The following SPAG16 variants were observed in gnomAD, a reference collection of about 807,000 sequenced individuals.
SPAG16 encodes the protein sperm-associated antigen 16 protein.
A neutral mutation model predicts 80.4 loss-of-function variants in SPAG16; 86 were observed. The ratio of observed to expected loss-of-function variants is 1.07; its 90% CI spans 0.90 to 1.28. SPAG16 has a LOEUF of 1.28. SPAG16 is among the 50% of genes most tolerant of loss of function. SPAG16 has a pLI of 0.00. For synonymous variants in SPAG16, 294 were observed against 265.9 expected, an observed-to-expected ratio of 1.11 and a Z score of -1.03; for missense variants, 870 against 765.3, an observed-to-expected ratio of 1.14 and a Z score of -1.61.
intron 12 of SPAG16, among the ~76,000 whole-genome samples, chr2:213,938,065 A>G (rs1157853536): frequency 6.6e-6 from 1 of 151,944 alleles, no homozygotes; most frequent in Non-Finnish European, 1.5e-5. Context: ...AATAATTAGA[A>G]TGAGTATAAA....
chr2:213,842,522 A>T lies in SPAG16; in HGVS notation c.1071-19963A>T, dbSNP rs548866373. On this transcript the variant is annotated intron_variant, in intron 10 of 15. Transcript: ENST00000331683. The stretch of plus-strand genomic sequence containing the variant: ...GTTTACTAAGAAGTGAATTTTTTTA[A>T]AAAAATAGGAAATGATTATATTAGA... Among the ~76,000 whole-genome samples the T allele has an allele frequency of 2.0e-5, 3 of 152,160 alleles. No homozygotes were observed. In the South Asian group the frequency reaches 6.2e-4, roughly 32 times the overall value.
chr2:213,711,032 G>C (rs913519114), intron 10 of SPAG16, among the ~76,000 whole-genome samples: 1 of 152,050 alleles, frequency 6.6e-6, no homozygotes, highest in African/African-American at 2.4e-5. Flanking sequence ...AAAAGTTTTA[G>C]TGCATTTGTA....
intron 7 of SPAG16, among the ~76,000 whole-genome samples, chr2:213,362,947 T>A (rs527244795): frequency 1.6e-4 from 25 of 152,076 alleles, no homozygotes; most frequent in Non-Finnish European, 3.1e-4. Flanking sequence ...AACAAGAGAT[T>A]TGGAGAGGAC....
chr2:214,267,342 T>A (rs1348889074), intron 15 of SPAG16, among the ~76,000 whole-genome samples: 2 of 151,712 alleles, frequency 1.3e-5, no homozygotes, highest in African/African-American at 4.8e-5. Flanking sequence ...AATAAACCCA[T>A]ACATTTATGG....
At chr2:214,268,071 A>C (rs934822558) in intron 15 of SPAG16, among the ~76,000 whole-genome samples, 4 of 151,654 alleles carry the variant, frequency 2.6e-5, no homozygotes, top group African/African-American at 9.7e-5. Flanking sequence ...ATACATGAGA[A>C]AATGCTCAAC....
intron 13 of SPAG16, among the ~76,000 whole-genome samples, chr2:214,107,464 A>G (rs913364376): frequency 2.6e-5 from 4 of 152,162 alleles, no homozygotes; most frequent in African/African-American, 7.2e-5. Flanking sequence ...ACAAGAGTCA[A>G]GAATGCCCGT....
intron 10 of SPAG16, among the ~76,000 whole-genome samples, chr2:213,730,002 G>T (rs1014624563): frequency 6.6e-5 from 10 of 152,204 alleles, no homozygotes; most frequent in Admixed American, 6.5e-4. Flanking sequence ...CTCCAAATTA[G>T]AGAGAGGACC....
At chr2:213,584,967 T>A (rs2060417352) in intron 10 of SPAG16, among the ~76,000 whole-genome samples, 1 of 152,054 alleles carries the variant, frequency 6.6e-6, no homozygotes, top group African/African-American at 2.4e-5. Flanking sequence ...GGTGGGTAGA[T>A]CACCTGAGGT....
At position 213,862,390 on chromosome 2, in the gene SPAG16, C is replaced by G. The variant is rs576815048; in HGVS notation, c.1071-95C>G. 1.5e-5 allele frequency: 23 copies of G among 1,495,600 alleles called. No homozygotes were observed. In the East Asian group the frequency reaches 4.6e-4, roughly 30 times the overall value. 92.6% of individuals were successfully genotyped at this position (1,495,600 alleles called of 1,614,324 possible). On this transcript the variant is annotated intron_variant, in intron 10 of 15. Coordinates refer to ENST00000331683, the MANE Select transcript of SPAG16 (RefSeq NM_024532.5). ...GTACTCTCAAAACTATCCTGCCTTG[C>G]TAAAATCGGATAATCACTGCCATTT...
intron 9 of SPAG16, among the ~76,000 whole-genome samples, chr2:213,445,743 A>G (rs2071265906): frequency 6.6e-6 from 1 of 152,176 alleles, no homozygotes; most frequent in Non-Finnish European, 1.5e-5. Context: ...CTAAACTACA[A>G]TAAGATACCA....
chr2:213,676,418 T>C (rs1329359882), intron 10 of SPAG16, among the ~76,000 whole-genome samples: 4 of 149,218 alleles, frequency 2.7e-5, no homozygotes, highest in Admixed American at 2.0e-4. Context: ...TCCAACACTA[T>C]GTTGAATAGG....
intron 14 of SPAG16, among the ~76,000 whole-genome samples, chr2:214,110,383 G>A (rs953744552): frequency 8.6e-5 from 13 of 151,746 alleles, no homozygotes; most frequent in East Asian, 5.8e-4. Flanking sequence ...GAGAACATGC[G>A]GTGTTTGGTT....
chr2:214,347,480 C>T (rs1486441547), intron 15 of SPAG16, among the ~76,000 whole-genome samples: 1 of 151,868 alleles, frequency 6.6e-6, no homozygotes, highest in Non-Finnish European at 1.5e-5. Context: ...AAAATATTAC[C>T]CTGGGGAATC....
chr2:213,600,031 C>G (rs1337483810), intron 10 of SPAG16, among the ~76,000 whole-genome samples: 1 of 152,188 alleles, frequency 6.6e-6, no homozygotes, highest in Non-Finnish European at 1.5e-5. Flanking sequence ...TGCAGATTTT[C>G]TGCTGTGTAG....
At chr2:213,414,502 A>G (rs1298006912) in intron 9 of SPAG16, among the ~76,000 whole-genome samples, 1 of 152,120 alleles carries the variant, frequency 6.6e-6, no homozygotes, top group Non-Finnish European at 1.5e-5. Context: ...CTTATTTTAG[A>G]TTATGACTTT....
At chr2:213,336,474 C>G (rs549239922) in intron 5 of SPAG16, among the ~76,000 whole-genome samples, 1 of 152,306 alleles carries the variant, frequency 6.6e-6, no homozygotes, top group South Asian at 2.1e-4. Flanking sequence ...CAGAGACTGC[C>G]TAGGAAGACT....
At chr2:213,440,299 C>G (rs191161886) in intron 9 of SPAG16, among the ~76,000 whole-genome samples, 1 of 152,206 alleles carries the variant, frequency 6.6e-6, no homozygotes, top group East Asian at 1.9e-4. Context: ...CCTGTAATCC[C>G]AGCACTTTGG....
chr2:213,952,254 A>T (rs1303292920), intron 12 of SPAG16, among the ~76,000 whole-genome samples: 1 of 152,102 alleles, frequency 6.6e-6, no homozygotes, highest in Non-Finnish European at 1.5e-5. Context: ...CACATTTTAA[A>T]GGGCATGGTA....
In SPAG16 at chr2:213,400,142, T is replaced by C. The variant is rs550052107; in HGVS notation, c.942+25023T>C. Among the ~76,000 whole-genome samples the C allele has an allele frequency of 2.6e-5, 4 of 152,230 alleles. No homozygotes were observed. The East Asian group carries it at 7.7e-4, about 29-fold the overall frequency. On this transcript the variant is annotated intron_variant, in intron 9 of 15. Transcript: ENST00000331683. ...ATAATCATTATGTTTAGCTTTTTTC[T>C]TGTATAACTTTGTAGTTTCATTGTT...
Sources: gnomAD v4.1 joint callset for allele counts (sites outside exome capture counted in the v4.1 genomes callset) on GRCh38, gnomAD v4.1.1 for gene constraint, MANE v1.5 for transcripts, NCBI Gene and HGNC (gene_info 2026-07-23, HGNC 2026-07-21) for gene names.